DIAPH2: variants seen among roughly 807,000 people sequenced by gnomAD.
The protein encoded by DIAPH2 is protein diaphanous homolog 2.
A neutral mutation model predicts 92.7 loss-of-function variants in DIAPH2; 35 were observed. That is an observed-to-expected ratio of 0.38 (90% CI 0.29 to 0.50). The LOEUF is 0.50. Ranked by LOEUF, DIAPH2 falls within the 20% of genes least tolerant of loss-of-function variation. The pLI, the probability that DIAPH2 is intolerant of heterozygous loss-of-function variation, is 0.94. For synonymous variants in DIAPH2, 301 were observed against 280.4 expected (o/e 1.07, Z -0.73); for missense variants, 701 against 819.5 (o/e 0.86, Z 1.77).
intron 22 of DIAPH2, among the ~76,000 whole-genome samples, chrX:97,228,908 A>C (rs1041549505): frequency 8.9e-6 from 1 of 112,120 alleles, no homozygotes; most frequent in Non-Finnish European, 1.9e-5. Context: ...TTTAAATCAT[A>C]GCTTATAACC....
At chrX:97,268,002 G>A (rs1339883197) in intron 23 of DIAPH2, among the ~76,000 whole-genome samples, 2 of 111,999 alleles carry the variant, frequency 1.8e-5, no homozygotes, top group African/African-American at 6.5e-5. Context: ...TAAATGAAAG[G>A]CACTTGGGTG....
chrX:97,454,376 C>T (rs2070384237), intron 26 of DIAPH2, among the ~76,000 whole-genome samples: 2 of 110,444 alleles, frequency 1.8e-5, no homozygotes, highest in Admixed American at 9.6e-5. Context: ...TAATTGGTCT[C>T]AACTATGTAA....
At chrX:96,854,598 CATATATATATATATATATATATA>C (rs2065026083) in intron 4 of DIAPH2, among the ~76,000 whole-genome samples, 1 of 37,132 alleles carries the variant, frequency 2.7e-5, no homozygotes, top group Non-Finnish European at 5.2e-5. Context: ...CTCTCTCTCT[CATATATATATATATATATATATA>C]TATATATATA....
chrX:97,274,733 C>A (rs961050190), intron 23 of DIAPH2, among the ~76,000 whole-genome samples: 6 of 107,976 alleles, frequency 5.6e-5, no homozygotes, highest in African/African-American at 2.0e-4. Flanking sequence ...GAGGGAAGGT[C>A]AGCAGATAAA....
intron 25 of DIAPH2, among the ~76,000 whole-genome samples, chrX:97,421,894 C>T (rs987032896): frequency 6.3e-5 from 7 of 111,435 alleles, no homozygotes; most frequent in Non-Finnish European, 1.3e-4. Context: ...CTGTATCTTT[C>T]AACTCTGTTT....
At chrX:97,283,896 C>T (rs1242594878) in intron 23 of DIAPH2, among the ~76,000 whole-genome samples, 1 of 111,995 alleles carries the variant, frequency 8.9e-6, no homozygotes, top group African/African-American at 3.2e-5. Flanking sequence ...GAGTCGAGAT[C>T]GCACCATTGC....
chrX:96,850,844 C>T (rs978112566), intron 4 of DIAPH2, among the ~76,000 whole-genome samples: 10 of 111,926 alleles, frequency 8.9e-5, no homozygotes, highest in African/African-American at 3.2e-4. Flanking sequence ...TGATTTTATA[C>T]GTTTACAAAT....
chrX:96,869,551 T>C (rs201557456), intron 4 of DIAPH2, among the ~76,000 whole-genome samples: 1 of 69,960 alleles, frequency 1.4e-5, no homozygotes, highest in African/African-American at 6.7e-5. Context: ...ATACTGCTAC[T>C]ACTACCACTA....
intron 26 of DIAPH2, among the ~76,000 whole-genome samples, chrX:97,545,533 A>AAATATATAT (rs1260118151): frequency 6.3e-5 from 5 of 79,358 alleles, no homozygotes; most frequent in African/African-American, 2.5e-4. Context: ...AAAAAAAAAA[A>AAATATATAT]ATATATATAT....
At chrX:96,695,254 A>G (rs1452860545) in intron 1 of DIAPH2, among the ~76,000 whole-genome samples, 1 of 112,502 alleles carries the variant, frequency 8.9e-6, no homozygotes, top group Non-Finnish European at 1.9e-5. Context: ...CCTGGCGCTA[A>G]TGGTCTTTAA....
At chrX:97,469,770 A>G (rs756838523) in intron 26 of DIAPH2, 2 of 1,198,399 alleles carry the variant, frequency 1.7e-6, no homozygotes, top group Non-Finnish European at 2.2e-6. Context: ...TTTAAACAGG[A>G]TTGGGTGATG....
At chrX:96,810,129 C>A (rs779064637) in intron 4 of DIAPH2, among the ~76,000 whole-genome samples, 1 of 112,239 alleles carries the variant, frequency 8.9e-6, no homozygotes, top group African/African-American at 3.2e-5. Context: ...TTTACACTCC[C>A]ATCAACAGTG....
At chrX:97,530,053 A>G (rs1228150046) in intron 26 of DIAPH2, among the ~76,000 whole-genome samples, 1 of 112,303 alleles carries the variant, frequency 8.9e-6, no homozygotes, top group African/African-American at 3.2e-5. Context: ...GCCAATTCTT[A>G]CAGCATGATA....
intron 22 of DIAPH2, among the ~76,000 whole-genome samples, chrX:97,150,207 A>T (rs1480049836): frequency 8.9e-6 from 1 of 111,882 alleles, no homozygotes; most frequent in Admixed American, 9.5e-5. Flanking sequence ...TAGGAAAGAA[A>T]GTCATGTTTT....
At chrX:97,551,393 C>A (rs574101303) in intron 26 of DIAPH2, among the ~76,000 whole-genome samples, 209 of 110,188 alleles carry the variant, frequency 1.9e-3, no homozygotes, top group African/African-American at 6.7e-3. Context: ...AGTTCGAGAC[C>A]AGCCTGGCCA....
intron 17 of DIAPH2, among the ~76,000 whole-genome samples, chrX:97,036,851 A>G (rs1012873784): frequency 2.7e-5 from 3 of 111,860 alleles, no homozygotes; most frequent in African/African-American, 9.7e-5. Flanking sequence ...GGGAGGTGCA[A>G]TAGGTAGATG....
intron 22 of DIAPH2, among the ~76,000 whole-genome samples, chrX:97,187,304 T>TTTTTTTTTG (rs869133540): frequency 9.4e-5 from 8 of 85,002 alleles, no homozygotes; most frequent in Non-Finnish European, 1.7e-4. Context: ...TTTTTTTTTT[T>TTTTTTTTTG]GCAACTGTCT....
intron 17 of DIAPH2, among the ~76,000 whole-genome samples, chrX:96,992,495 A>T (rs753387159): frequency 2.1e-3 from 233 of 112,292 alleles, no homozygotes; most frequent in Non-Finnish European, 3.3e-3. Context: ...GACAAAAATC[A>T]GATAATGGAT....
At chrX:97,013,677 G>A (rs187358802) in intron 17 of DIAPH2, among the ~76,000 whole-genome samples, 1 of 111,849 alleles carries the variant, frequency 8.9e-6, no homozygotes, top group East Asian at 2.8e-4. Context: ...GCTTTCCCTG[G>A]TCAAATGGGT....
Sources: allele counts gnomAD v4.1 joint callset (sites outside exome capture counted in the v4.1 genomes callset), GRCh38; gene constraint gnomAD v4.1.1; transcripts MANE v1.5; gene names NCBI Gene and HGNC (gene_info 2026-07-23, HGNC 2026-07-21).